Variants in CELA1 observed in about 807,000 individuals in gnomAD.
The protein encoded by CELA1 is chymotrypsin like elastase 1.
CELA1 carries 28 observed loss-of-function variants against 34.8 expected under a neutral mutation model. The observed-to-expected ratio is 0.80, with a 90% CI of 0.60 to 1.10. The LOEUF (loss-of-function observed/expected upper bound fraction) is 1.10, where lower values mean the gene tolerates loss of function less well. Ranked by LOEUF, CELA1 falls within the 50% of genes least tolerant of loss-of-function variation. The pLI is 0.00. For missense variants in CELA1, 288 were observed against 327.5 expected (o/e 0.88, Z 0.93); for synonymous variants, 140 against 129.8 (o/e 1.08, Z -0.53).
At chr12:51,329,216 T>G (rs1388654832) in intron 7 of CELA1, among the ~76,000 whole-genome samples, 1 of 144,014 alleles carries the variant, frequency 6.9e-6, no homozygotes, top group African/African-American at 2.6e-5. Context: ...ATCAAGCCAC[T>G]GCACTCCAGC....
intron 3 of CELA1, among the ~76,000 whole-genome samples, chr12:51,343,232 C>T (rs1257781651): frequency 2.0e-5 from 3 of 152,068 alleles, no homozygotes; most frequent in Non-Finnish European, 4.4e-5. Flanking sequence ...AGCGTGGTTC[C>T]TGGGCCGCAG....
chr12:51,340,815 A>G (rs985763792), intron 5 of CELA1, among the ~76,000 whole-genome samples: 4 of 152,210 alleles, frequency 2.6e-5, no homozygotes, highest in Middle Eastern at 3.4e-3. Context: ...AGGCCAGCCT[A>G]GGCAATATAG....
At chr12:51,329,078 C>T (rs956954382) in intron 7 of CELA1, among the ~76,000 whole-genome samples, 3 of 151,836 alleles carry the variant, frequency 2.0e-5, no homozygotes, top group East Asian at 1.9e-4. Context: ...TGGTGAAACC[C>T]GATCTCTACT....
chr12:51,341,133 A>G, intron 5 of CELA1, 111 bp downstream of exon 5: 1 of 1,099,674 alleles, frequency 9.1e-7, no homozygotes, highest in Non-Finnish European at 1.3e-6. Flanking sequence ...TGGTTCTTTT[A>G]GCTCCTGGTC....
Position 51,341,237 on chromosome 12 carries a change from A to T in CELA1, c.463+7T>A, listed in dbSNP as rs1946532376. 7 of 1,614,036 alleles carry T rather than the reference A, an allele frequency of 4.3e-6. No homozygotes were observed. The East Asian group carries it at 1.6e-4, about 36-fold the overall frequency. The stretch of plus-strand genomic sequence containing the variant: ...CGTGGTGGATTGTGCCAATGTAGGC[A>T]ACTTACTCTTGGTCTTGCCCCAGCC... On this transcript the variant is annotated splice_region_variant and intron_variant, in intron 5 of 7. Transcript: ENST00000293636.
chr12:51,342,562 G>T lies in CELA1; in HGVS notation c.326+13C>A. On this transcript the variant is annotated intron_variant, in intron 4 of 7. Transcript: ENST00000293636. ...CACCGCCCAGCCCAGGGCCAGCTTG[G>T]ACTTGCTCCTACCCGGCAGCCACGT... 1 of 1,614,060 alleles carries T rather than the reference G, an allele frequency of 6.2e-7. No individual in the cohort carries two copies. The highest frequency in any genetic ancestry group is 8.5e-7 in the Non-Finnish European group (1 of 1,179,996).
At chr12:51,336,020 A>T (rs1946498106) in intron 6 of CELA1, among the ~76,000 whole-genome samples, 1 of 152,148 alleles carries the variant, frequency 6.6e-6, no homozygotes, top group African/African-American at 2.4e-5. Context: ...GCTCTTGCCA[A>T]GGTTACAATT....
At chr12:51,344,045 A>C (rs1946552869) in intron 2 of CELA1, among the ~76,000 whole-genome samples, 192 bp from the exon 3 acceptor site, 1 of 152,224 alleles carries the variant, frequency 6.6e-6, no homozygotes, top group South Asian at 2.1e-4. Flanking sequence ...GTCAAAAATA[A>C]TTAAATATAA....
At chr12:51,329,354 CG>C (rs1293616729) in intron 7 of CELA1, among the ~76,000 whole-genome samples, 1 of 151,626 alleles carries the variant, frequency 6.6e-6, no homozygotes, top group African/African-American at 2.4e-5. Flanking sequence ...CCTAGGAGTA[CG>C]CAGGCCTTTC....
intron 6 of CELA1, among the ~76,000 whole-genome samples, chr12:51,333,257 G>T (rs1946481399): frequency 6.6e-6 from 1 of 151,958 alleles, no homozygotes; most frequent in South Asian, 2.1e-4. Context: ...ACCACACCTG[G>T]CTAATTTTGC....
At chr12:51,335,946 T>A (rs1398905588) in intron 6 of CELA1, among the ~76,000 whole-genome samples, 2 of 152,212 alleles carry the variant, frequency 1.3e-5, no homozygotes, top group African/African-American at 2.4e-5. Flanking sequence ...TGGTTATATG[T>A]CTTATTGCCT....
At chr12:51,337,599 T>G (rs929212158) in intron 6 of CELA1, among the ~76,000 whole-genome samples, 1 of 149,460 alleles carries the variant, frequency 6.7e-6, no homozygotes, top group African/African-American at 2.5e-5. Context: ...CAACTGTGAC[T>G]GTGTTCCAGT....
At position 51,343,676 on chromosome 12, in the gene CELA1, A is replaced by G. The variant is rs1478664907; in HGVS notation, c.200+77T>C. The stretch of plus-strand genomic sequence containing the variant: ...CCCTGAAGTGCTGTCCAGAGAGGGC[A>G]AAATTATATCCTCTTTCAGAAGGTC... On this transcript the variant is annotated intron_variant, in intron 3 of 7. Transcript: ENST00000293636. 66 of 896,278 alleles carry G rather than the reference A, an allele frequency of 7.4e-5. 1 individual carries two copies. The South Asian group carries it at 7.9e-4, about 11-fold the overall frequency. The allele number at this position is 896,278 out of a possible 1,614,324, so 55.5% of individuals were successfully genotyped here. A position where few individuals can be genotyped will look rare whatever the true frequency, so the allele number is the denominator to read the frequency against.
rs746301427 is a variant in CELA1 at position 51,339,935 on chromosome 12, G to C, written c.534C>G (p.Ser178Arg). The change falls in exon 6 of 8, where the codon AGC becomes AGG. Residue 178 changes from serine to arginine, a missense_variant. Coordinates refer to ENST00000293636, the MANE Select transcript of CELA1 (RefSeq NM_001971.6). ...TCACAGTGGAGCCCCAGTAGGAGGA[G>C]CTGGAGCAGATGGCGTAGTCCACAG... ...LPSVDYAICS[S>R]SSYWGSTVKN... The C allele has an allele frequency of 5.0e-6, 8 of 1,614,120 alleles. No homozygotes were observed. The South Asian group carries it at 8.8e-5, about 18-fold the overall frequency.
intron 6 of CELA1, among the ~76,000 whole-genome samples, chr12:51,335,944 T>C (rs1946497874): frequency 6.6e-6 from 1 of 152,168 alleles, no homozygotes; most frequent in Non-Finnish European, 1.5e-5. Context: ...GCTGGTTATA[T>C]GTCTTATTGC....
chr12:51,331,443 G>A (rs147901995), intron 6 of CELA1, among the ~76,000 whole-genome samples: 2 of 152,154 alleles, frequency 1.3e-5, no homozygotes, highest in East Asian at 1.9e-4. Context: ...ATACAAGAAC[G>A]GCATACTACT....
intron 6 of CELA1, among the ~76,000 whole-genome samples, chr12:51,338,954 A>G (rs1946516556): frequency 6.6e-6 from 1 of 152,072 alleles, no homozygotes; most frequent in Non-Finnish European, 1.5e-5. Context: ...TCTATATTAA[A>G]ATAATAATAA....
intron 2 of CELA1, among the ~76,000 whole-genome samples, chr12:51,344,306 G>A (rs1035008991): frequency 5.3e-5 from 8 of 152,202 alleles, no homozygotes; most frequent in African/African-American, 1.9e-4. Context: ...GGCACACAGT[G>A]TATTTGGCAT....
chr12:51,337,046 C>G (rs1282521740), intron 6 of CELA1, among the ~76,000 whole-genome samples: 1 of 152,242 alleles, frequency 6.6e-6, no homozygotes, highest in Non-Finnish European at 1.5e-5. Flanking sequence ...GTCCCCAAGC[C>G]TGGCATTTGA....
Sources: allele counts gnomAD v4.1 joint callset (sites outside exome capture counted in the v4.1 genomes callset), GRCh38; gene constraint gnomAD v4.1.1; transcripts MANE v1.5; gene names NCBI Gene and HGNC (gene_info 2026-07-23, HGNC 2026-07-21).